Variants in JADE2 observed in about 807,000 individuals in gnomAD.
JADE2 encodes jade family PHD finger 2.
Under a neutral mutation model 85.7 loss-of-function variants are expected in JADE2, and 13 were observed. The ratio of observed to expected loss-of-function variants is 0.15; its 90% CI spans 0.10 to 0.24. The LOEUF (loss-of-function observed/expected upper bound fraction) is 0.24, where lower values mean the gene tolerates loss of function less well. JADE2 is among the 10% of genes least tolerant of loss of function. The probability of loss-of-function intolerance (pLI) is 1.00; values close to 1 mark genes in which losing one functional copy is unlikely to be tolerated. For missense variants in JADE2, 846 were observed against 1,115.9 expected (o/e 0.76, Z 3.45); for synonymous variants, 440 against 456.1 (o/e 0.96, Z 0.45).
At chr5:134,537,411 T>G (rs1297412781) in intron 2 of JADE2, among the ~76,000 whole-genome samples, 1 of 152,212 alleles carries the variant, frequency 6.6e-6, no homozygotes, top group South Asian at 2.1e-4. Flanking sequence ...ATATCACTTA[T>G]TCCTCACCAC....
At chr5:134,577,982 A>G (rs1764488800) in intron 11 of JADE2, among the ~76,000 whole-genome samples, 1 of 152,132 alleles carries the variant, frequency 6.6e-6, no homozygotes, top group African/African-American at 2.4e-5. Context: ...GCCTGAGGGC[A>G]TTTTCCTCCA....
chr5:134,556,824 GCA>G (rs1325183830), intron 4 of JADE2, among the ~76,000 whole-genome samples: 105 of 82,688 alleles, frequency 1.3e-3, no homozygotes, highest in African/African-American at 4.5e-3. Flanking sequence ...CATACCACAT[GCA>G]CACACACACA....
At position 134,579,490 on chromosome 5, in the gene JADE2, C is replaced by G; in HGVS notation, c.*173C>G. 1 of 609,944 alleles carries G rather than the reference C, an allele frequency of 1.6e-6. No homozygotes were observed. Among genetic ancestry groups the G allele is most frequent in the Non-Finnish European group, 2.9e-6 (1 of 349,744 alleles). 37.8% of individuals were successfully genotyped at this position (609,944 alleles called of 1,614,324 possible). A position where few individuals can be genotyped will look rare whatever the true frequency, so the allele number is the denominator to read the frequency against. The stretch of plus-strand genomic sequence containing the variant: ...TTTGAATTCTACACTGTTGTCTTTC[C>G]TCTGTGCTGGCCTAGGACATTAGGA... On this transcript the variant is annotated 3_prime_UTR_variant, in exon 12 of 12. Transcript: ENST00000681547. This position sits in a 1 kb window ranked among gnomAD's most constrained non-coding sequence, Gnocchi z 4.6.
At chr5:134,533,486 A>G (rs886856859) in intron 1 of JADE2, 2 of 972,978 alleles carry the variant, frequency 2.1e-6, no homozygotes, top group Non-Finnish European at 2.4e-6. Context: ...GAACCCATCA[A>G]CAACTTCTGC....
At position 134,582,773 on chromosome 5, in the gene JADE2, T is replaced by C. The variant is rs1046400888; in HGVS notation, c.*3456T>C. 13 of 152,630 alleles carry C rather than the reference T, an allele frequency of 8.5e-5. No individual in the cohort carries two copies. The highest frequency in any genetic ancestry group is 2.9e-4 in the African/African-American group (12 of 41,444). 9.5% of individuals were successfully genotyped at this position (152,630 alleles called of 1,614,324 possible). A position where few individuals can be genotyped will look rare whatever the true frequency, so the allele number is the denominator to read the frequency against. The stretch of plus-strand genomic sequence containing the variant: ...GGGGACGGTGGGGGGATGATATGAA[T>C]GTCACAGGAGGAGACACCTTCTGTC... On this transcript the variant is annotated 3_prime_UTR_variant, in exon 12 of 12. Coordinates refer to ENST00000681547, the MANE Select transcript of JADE2 (RefSeq NM_001388185.1).
intron 7 of JADE2, among the ~76,000 whole-genome samples, chr5:134,563,538 A>T (rs1763460466): frequency 6.6e-6 from 1 of 152,200 alleles, no homozygotes; most frequent in Non-Finnish European, 1.5e-5. Flanking sequence ...AATGCACCAG[A>T]GTTTCAGCCC....
At chr5:134,549,896 T>A (rs570839391) in intron 3 of JADE2, among the ~76,000 whole-genome samples, 78 of 152,188 alleles carry the variant, frequency 5.1e-4, no homozygotes, top group Non-Finnish European at 1.0e-3. Flanking sequence ...TGAATCACTT[T>A]GGGGTCAGTT....
rs763576116 is a variant in JADE2 at position 134,562,100 on chromosome 5, A to C, written c.685-100A>C. The C allele has an allele frequency of 8.7e-7, 1 of 1,149,398 alleles. No homozygotes were observed. The highest frequency in any genetic ancestry group is 1.2e-6 in the Non-Finnish European group (1 of 810,728). 71.2% of individuals were successfully genotyped at this position (1,149,398 alleles called of 1,614,324 possible). ...TGCCAGAGATGGGAGGCTGTGTAGC[A>C]GTGTAGCATGGGGCTGGCACTGGAC... On this transcript the variant is annotated intron_variant, in intron 6 of 11. Transcript: ENST00000681547. This position sits in a 1 kb window ranked among gnomAD's most constrained non-coding sequence, Gnocchi z 4.6.
upstream of JADE2, among the ~76,000 whole-genome samples, chr5:134,525,050 T>C (rs1189349863): frequency 6.6e-6 from 1 of 151,604 alleles, no homozygotes; most frequent in Non-Finnish European, 1.5e-5. Flanking sequence ...CCTCCGCGAG[T>C]GTCGCCTCCA....
chr5:134,554,277 C>T (rs567262868), intron 4 of JADE2, among the ~76,000 whole-genome samples: 5 of 152,176 alleles, frequency 3.3e-5, no homozygotes, highest in African/African-American at 1.2e-4. Flanking sequence ...TAATACTTGT[C>T]TGGGGTCTTC....
intron 3 of JADE2, among the ~76,000 whole-genome samples, chr5:134,540,796 G>C (rs1214646629): frequency 1.3e-5 from 2 of 152,164 alleles, no homozygotes; most frequent in Non-Finnish European, 2.9e-5. Context: ...CCAGTCTCCT[G>C]CCCTTGCTCT....
In JADE2 at chr5:134,562,120, CTG is replaced by C; in HGVS notation, c.685-79_685-78del. On this transcript the variant is annotated intron_variant, in intron 6 of 11. Coordinates refer to ENST00000681547, the MANE Select transcript of JADE2 (RefSeq NM_001388185.1). The surrounding 1 kb of genome is among the most constrained non-coding windows in gnomAD (Gnocchi z 4.6). ...GTAGCAGTGTAGCATGGGGCTGGCACTGGACCAAATGCAGCTGACTGCTGACC... is the reference window on the plus strand; with the variant it reads ...GTAGCAGTGTAGCATGGGGCTGGCACGACCAAATGCAGCTGACTGCTGACC... The C allele has an allele frequency of 7.0e-7, 1 of 1,433,932 alleles. No individual in the cohort carries two copies. Among genetic ancestry groups the C allele is most frequent in the Non-Finnish European group, 9.5e-7 (1 of 1,052,934 alleles). 88.8% of individuals were successfully genotyped at this position (1,433,932 alleles called of 1,614,324 possible).
chr5:134,545,033 G>C (rs1386822758), intron 3 of JADE2, among the ~76,000 whole-genome samples: 1 of 152,178 alleles, frequency 6.6e-6, no homozygotes, highest in Non-Finnish European at 1.5e-5. Context: ...GAAGGCGTAT[G>C]GTACAGTAAA....
Position 134,571,930 on chromosome 5 carries a change from C to T in JADE2, c.1435-1715C>T, listed in dbSNP as rs142137850. Among the ~76,000 whole-genome samples, 837 of 152,362 alleles carry T rather than the reference C, an allele frequency of 5.5e-3. 4 individuals carry two copies. The highest frequency in any genetic ancestry group is 0.054 in the Middle Eastern group (16 of 294). On this transcript the variant is annotated intron_variant, in intron 9 of 11. Coordinates refer to ENST00000681547, the MANE Select transcript of JADE2 (RefSeq NM_001388185.1). ...CCACTGGCTGCTTGTGTGTCCAAGA[C>T]GCCTTGCTCAGCACCCCCAAGTGTG...
At chr5:134,563,553 C>A (rs575988864) in intron 7 of JADE2, among the ~76,000 whole-genome samples, 2 of 152,318 alleles carry the variant, frequency 1.3e-5, no homozygotes, top group Admixed American at 1.3e-4. Flanking sequence ...CAGCCCCAGC[C>A]CTGCTGTGTG....
intron 3 of JADE2, among the ~76,000 whole-genome samples, chr5:134,543,233 C>T (rs1006002543): frequency 1.3e-5 from 2 of 149,528 alleles, no homozygotes; most frequent in African/African-American, 4.9e-5. Flanking sequence ...CAGGGTTTCA[C>T]CATGTTGGTC....
intron 4 of JADE2, among the ~76,000 whole-genome samples, chr5:134,555,397 C>T (rs1216653859): frequency 2.0e-5 from 3 of 152,240 alleles, no homozygotes; most frequent in African/African-American, 4.8e-5. Context: ...TGACCTCCGC[C>T]GTCCTGGCTA....
intron 10 of JADE2, 172 bp downstream of exon 10, chr5:134,573,934 T>C (rs1764205657): frequency 2.9e-6 from 2 of 697,852 alleles, no homozygotes; most frequent in Admixed American, 4.2e-5. Context: ...GACGGGGGCC[T>C]GCAAGGGTCC....
At chr5:134,573,861 G>A (rs752654729) in intron 10 of JADE2, 99 bp downstream of exon 10, 6 of 834,712 alleles carry the variant, frequency 7.2e-6, no homozygotes, top group Non-Finnish European at 1.3e-5. Flanking sequence ...GTGGGGGTAT[G>A]TGCGTGGAGC....
Sources: gnomAD v4.1 joint callset for allele counts (sites outside exome capture counted in the v4.1 genomes callset) on GRCh38, gnomAD v4.1.1 for gene constraint, Gnocchi (gnomAD v3.1) non-coding constraint, MANE v1.5 for transcripts, NCBI Gene and HGNC (gene_info 2026-07-23, HGNC 2026-07-21) for gene names.